Variants in PBX1 observed in about 807,000 individuals in gnomAD.
The protein encoded by PBX1 is PBX homeobox 1.
In PBX1, 6 loss-of-function variants were observed where a neutral mutation model predicts 53.4. The ratio of observed to expected loss-of-function variants is 0.11; its 90% CI spans 0.06 to 0.22. The LOEUF (loss-of-function observed/expected upper bound fraction) is 0.22. Among genes scored for constraint, PBX1 ranks in the 10% least tolerant of loss-of-function variants. The pLI is 1.00. For synonymous variants in PBX1, 204 were observed against 212.3 expected (o/e 0.96, Z 0.34); for missense variants, 251 against 551.4 (o/e 0.46, Z 5.46).
At chr1:164,785,066 A>T (rs1397021299) in intron 2 of PBX1, among the ~76,000 whole-genome samples, 1 of 151,376 alleles carries the variant, frequency 6.6e-6, no homozygotes, top group Non-Finnish European at 1.5e-5. Flanking sequence ...GAGATTTCTT[A>T]AACTACAGCT....
chr1:164,740,495 G>C (rs1299512887), intron 2 of PBX1, among the ~76,000 whole-genome samples: 1 of 152,040 alleles, frequency 6.6e-6, no homozygotes, highest in African/African-American at 2.4e-5. Flanking sequence ...GAGACCAGTT[G>C]ATGTAAAAAG....
intron 2 of PBX1, among the ~76,000 whole-genome samples, chr1:164,610,462 C>T (rs1237440697): frequency 6.6e-6 from 1 of 152,042 alleles, no homozygotes; most frequent in Non-Finnish European, 1.5e-5. Context: ...AGTGAGGAAC[C>T]CATTGGTCTA....
chr1:164,755,635 T>G (rs1365711394), intron 2 of PBX1, among the ~76,000 whole-genome samples: 1 of 151,900 alleles, frequency 6.6e-6, no homozygotes, highest in Non-Finnish European at 1.5e-5. Context: ...AACATAACAC[T>G]CTGTCGGCAG....
intron 2 of PBX1, among the ~76,000 whole-genome samples, chr1:164,746,639 A>C (rs1277250532): frequency 1.3e-5 from 2 of 151,080 alleles, no homozygotes; most frequent in Non-Finnish European, 2.9e-5. Context: ...CGAACTCTTG[A>C]CCTCGTGATC....
chr1:164,570,816 G>A (rs890477823), intron 2 of PBX1, among the ~76,000 whole-genome samples: 1 of 152,116 alleles, frequency 6.6e-6, no homozygotes, highest in Admixed American at 6.6e-5. Flanking sequence ...AATTTGCACT[G>A]TCACCAACAG....
chr1:164,562,452 TACACACACACACACACACAC>T (rs6143458), intron 1 of PBX1, among the ~76,000 whole-genome samples: 10 of 143,298 alleles, frequency 7.0e-5, no homozygotes, highest in African/African-American at 1.8e-4. Context: ...GCATTCAGAA[TACACACACACACACACACAC>T]ACACACACAC....
At position 164,672,039 on chromosome 1, in the gene PBX1, T is replaced by G. The variant is rs1363374839; in HGVS notation, c.265+108728T>G. ...TTACTCTGGTTGTTTTTCTTTCTGT[T>G]TTTTTTTTTTTCCCCTTTTATTCCC... On this transcript the variant is annotated intron_variant, in intron 2 of 8. Coordinates refer to ENST00000420696, the MANE Select transcript of PBX1 (RefSeq NM_002585.4). Among the ~76,000 whole-genome samples the G allele has an allele frequency of 7.7e-4, 11 of 14,366 alleles. No homozygotes were observed. The Admixed American group carries it at 9.8e-3, about 13-fold the overall frequency. The allele number at this position is 14,366 out of a possible 152,430, so 9.4% of individuals were successfully genotyped here.
At chr1:164,865,143 C>A (rs1309485825) in intron 2 of PBX1, among the ~76,000 whole-genome samples, 2 of 152,186 alleles carry the variant, frequency 1.3e-5, no homozygotes, top group African/African-American at 4.8e-5. Flanking sequence ...TGCAAAAGGG[C>A]AGGTGTCATG....
At chr1:164,674,848 C>CCA (rs1661331788) in intron 2 of PBX1, 1 of 2,464 alleles carries the variant, frequency 4.1e-4, no homozygotes, top group African/African-American at 1.7e-3. Flanking sequence ...GAAATCACAG[C>CCA]CCCCCCCCCC....
intron 2 of PBX1, among the ~76,000 whole-genome samples, chr1:164,724,288 G>A (rs1664564458): frequency 6.6e-6 from 1 of 152,236 alleles, no homozygotes; most frequent in South Asian, 2.1e-4. Context: ...TTTCTCACCC[G>A]TAAGTGCTCT....
chr1:164,789,968 C>CTTT (rs59415842), intron 2 of PBX1, among the ~76,000 whole-genome samples: 42 of 150,100 alleles, frequency 2.8e-4, no homozygotes, highest in African/African-American at 9.5e-4. Flanking sequence ...AGAGGCGATT[C>CTTT]TTTTTTTTTT....
intron 3 of PBX1, among the ~76,000 whole-genome samples, chr1:164,796,871 C>A (rs1668812364): frequency 6.6e-6 from 1 of 152,108 alleles, no homozygotes; most frequent in Non-Finnish European, 1.5e-5. Flanking sequence ...CAATTGTAAC[C>A]CCAAGTATTC....
chr1:164,637,680 C>A (rs768262552), intron 2 of PBX1, among the ~76,000 whole-genome samples: 1 of 152,152 alleles, frequency 6.6e-6, no homozygotes, highest in Admixed American at 6.5e-5. Flanking sequence ...TGAGGAGAGG[C>A]CTGCCAAGTT....
At chr1:164,822,262 AT>A (rs1342560786) in intron 8 of PBX1, among the ~76,000 whole-genome samples, 1 of 152,018 alleles carries the variant, frequency 6.6e-6, no homozygotes, top group Non-Finnish European at 1.5e-5. Flanking sequence ...ATCCAACTTG[AT>A]TTCTCAGATC....
At chr1:164,568,533 T>C (rs1184639481) in intron 2 of PBX1, among the ~76,000 whole-genome samples, 2 of 152,200 alleles carry the variant, frequency 1.3e-5, no homozygotes, top group African/African-American at 4.8e-5. Flanking sequence ...ATTTAAGGAA[T>C]GCAATAATTG....
intron 2 of PBX1, among the ~76,000 whole-genome samples, chr1:164,785,346 C>T (rs1484052380): frequency 1.3e-5 from 2 of 152,154 alleles, no homozygotes; most frequent in Non-Finnish European, 2.9e-5. Flanking sequence ...AACACGAGGA[C>T]CTGCTGCCCT....
intron 2 of PBX1, among the ~76,000 whole-genome samples, chr1:164,646,958 T>C (rs1367219848): frequency 1.3e-5 from 2 of 152,196 alleles, no homozygotes; most frequent in African/African-American, 4.8e-5. Context: ...CTGCAGGGCA[T>C]GGCCCTCGGA....
intron 2 of PBX1, among the ~76,000 whole-genome samples, chr1:164,742,535 C>A (rs772346292): frequency 6.6e-6 from 1 of 152,016 alleles, no homozygotes; most frequent in Non-Finnish European, 1.5e-5. Context: ...GAGTAAGACT[C>A]TGTCTCAAAA....
intron 2 of PBX1, chr1:164,700,649 G>GT: frequency 1.0e-6 from 1 of 985,292 alleles, no homozygotes; most frequent in Non-Finnish European, 1.2e-6. Context: ...AAAGGTGATC[G>GT]TGTCAGGTGG....
Sources: allele counts gnomAD v4.1 joint callset (sites outside exome capture counted in the v4.1 genomes callset), GRCh38; gene constraint gnomAD v4.1.1; transcripts MANE v1.5; gene names NCBI Gene and HGNC (gene_info 2026-07-23, HGNC 2026-07-21).